The following HAGH variants were observed in gnomAD, a reference collection of about 807,000 sequenced individuals.
The protein encoded by HAGH is hydroxyacylglutathione hydrolase.
HAGH carries 29 observed loss-of-function variants against 35.1 expected under a neutral mutation model. The ratio of observed to expected loss-of-function variants is 0.83; its 90% CI spans 0.62 to 1.13. HAGH has a LOEUF of 1.13. Ranked by LOEUF, HAGH falls within the 50% of genes most tolerant of loss-of-function variation. The probability of loss-of-function intolerance (pLI) is 0.00; values close to 1 mark genes in which losing one functional copy is unlikely to be tolerated. For missense variants in HAGH, 478 were observed against 419.6 expected, an observed-to-expected ratio of 1.14 and a Z score of -1.22; for synonymous variants, 225 against 176.1, an observed-to-expected ratio of 1.28 and a Z score of -2.20.
chr16:1,813,102 T>C (rs1353039906), intron 7 of HAGH, among the ~76,000 whole-genome samples: 1 of 152,186 alleles, frequency 6.6e-6, no homozygotes, highest in Admixed American at 6.5e-5. Context: ...TCAAATCTGA[T>C]CCCCAATTAA....
chr16:1,824,806 C>A (rs1452011822), intron 1 of HAGH, among the ~76,000 whole-genome samples: 1 of 152,210 alleles, frequency 6.6e-6, no homozygotes, highest in Non-Finnish European at 1.5e-5. Context: ...CCAGATCATT[C>A]TCCTCAGGAA....
chr16:1,825,643 G>C (rs1381981857), intron 1 of HAGH, among the ~76,000 whole-genome samples: 1 of 152,200 alleles, frequency 6.6e-6, no homozygotes, highest in Non-Finnish European at 1.5e-5. Context: ...GTGCGATCAA[G>C]GGTCACTGCA....
rs1897510793 is a variant in HAGH at position 1,809,063 on chromosome 16, G to A, written c.*220C>T. ...GGAAGGAGGCCCGAGGGGACAAGCAGAGGCCTAAAGGCCAGAAGAAAACAG... is the reference window on the plus strand; with the variant it reads ...GGAAGGAGGCCCGAGGGGACAAGCAAAGGCCTAAAGGCCAGAAGAAAACAG... On this transcript the variant is annotated 3_prime_UTR_variant, in exon 9 of 9. Coordinates refer to ENST00000397356, the MANE Select transcript of HAGH (RefSeq NM_005326.6). The A allele has an allele frequency of 2.0e-6, 1 of 507,414 alleles. No individual in the cohort carries two copies. Among genetic ancestry groups the A allele is most frequent in the Non-Finnish European group, 3.5e-6 (1 of 284,634 alleles). The allele number at this position is 507,414 out of a possible 1,614,324, so 31.4% of individuals were successfully genotyped here. A position where few individuals can be genotyped will look rare whatever the true frequency, so the allele number is the denominator to read the frequency against.
rs1231393091 is a variant in HAGH, at chr16:1,819,995, C to T, written c.334G>A (p.Glu112Lys). 1 of 1,612,454 alleles carries T rather than the reference C, an allele frequency of 6.2e-7. No individual in the cohort carries two copies. The highest frequency in any genetic ancestry group is 1.1e-5 in the South Asian group (1 of 90,988). ...HHHWDHAGGN[E>K]KLVKLESGLK... ...CCCGACTCCAGCTTGACCAGTTTCTCATTCCCGCCAGCATGGTCCCTAGAA... is the reference window on the plus strand; with the variant it reads ...CCCGACTCCAGCTTGACCAGTTTCTTATTCCCGCCAGCATGGTCCCTAGAA... The change falls in exon 4 of 9, where the codon GAG becomes AAG. Residue 112 changes from glutamate (E) to lysine (K), a missense_variant. By Grantham distance (56) the Glu-to-Lys change is moderately conservative (BLOSUM62 1). Coordinates refer to ENST00000397356, the MANE Select transcript of HAGH (RefSeq NM_005326.6).
chr16:1,819,745 G>A lies in HAGH; in HGVS notation c.432+152C>T, dbSNP rs923919343. The stretch of plus-strand genomic sequence containing the variant: ...TTGCACACTCCTCTCCTTGTGCCTA[G>A]ACAGAGAAGACCATCCACGCTGCCA... On this transcript the variant is annotated intron_variant, in intron 4 of 8. Coordinates refer to ENST00000397356, the MANE Select transcript of HAGH (RefSeq NM_005326.6). 1.2e-5 allele frequency: 8 copies of A among 656,134 alleles called. No homozygotes were observed. The African/African-American group carries it at 1.5e-4, about 12-fold the overall frequency. The allele number at this position is 656,134 out of a possible 1,614,324, so 40.6% of individuals were successfully genotyped here.
At chr16:1,813,868 A>C (rs1321654889) in intron 7 of HAGH, among the ~76,000 whole-genome samples, 1 of 152,210 alleles carries the variant, frequency 6.6e-6, no homozygotes, top group Non-Finnish European at 1.5e-5. Flanking sequence ...GACCAACGAA[A>C]CAGAGCAGAG....
rs1231309586 is a variant in HAGH, at chr16:1,808,305, ATT to A, written c.*976_*977del. On this transcript the variant is annotated 3_prime_UTR_variant, in exon 9 of 9. Coordinates refer to ENST00000397356, the MANE Select transcript of HAGH (RefSeq NM_005326.6). The stretch of plus-strand genomic sequence containing the variant: ...TAAAAAGATTATTATTAAATTTCAT[ATT>A]TTTTTTTTTTTGAGACAGAGTCTTG... 5.6e-5 allele frequency: 8 copies of A among 143,912 alleles called. No homozygotes were observed. Among genetic ancestry groups the A allele is most frequent in the African/African-American group, 1.3e-4 (5 of 39,322 alleles). 8.9% of individuals were successfully genotyped at this position (143,912 alleles called of 1,614,324 possible).
chr16:1,811,467 C>T (rs1406679679), intron 7 of HAGH, among the ~76,000 whole-genome samples: 1 of 105,486 alleles, frequency 9.5e-6, no homozygotes, highest in Non-Finnish European at 2.0e-5. Context: ...AATCCCAGCA[C>T]TGGGGGAGGC....
chr16:1,821,952 G>GT (rs1167899761), intron 3 of HAGH: 1,191 of 105,160 alleles, frequency 0.011, 2 homozygotes, highest in East Asian at 0.024. Context: ...TTGTTTTTTT[G>GT]TTTTTTTTTT....
chr16:1,815,043 T>G (rs1225720239), intron 7 of HAGH, among the ~76,000 whole-genome samples: 1 of 151,982 alleles, frequency 6.6e-6, no homozygotes, highest in Non-Finnish European at 1.5e-5. Flanking sequence ...ACCCAATATT[T>G]AAAATGGACA....
intron 7 of HAGH, among the ~76,000 whole-genome samples, chr16:1,816,398 G>C (rs1008690383): frequency 6.6e-6 from 1 of 152,078 alleles, no homozygotes; most frequent in Non-Finnish European, 1.5e-5. Context: ...TCAGCAGAGG[G>C]AGCCCACGCC....
At chr16:1,817,124 G>C (rs749388526) in intron 6 of HAGH, 44 bp downstream of exon 6, 7 of 1,439,752 alleles carry the variant, frequency 4.9e-6, no homozygotes, top group South Asian at 1.1e-5. Context: ...CCCCGCCCTG[G>C]TTAAGGCCCC....
At chr16:1,824,911 G>A (rs1429019079) in intron 1 of HAGH, among the ~76,000 whole-genome samples, 1 of 152,152 alleles carries the variant, frequency 6.6e-6, no homozygotes, top group Non-Finnish European at 1.5e-5. Flanking sequence ...ACAACAAGCA[G>A]AGTGTGGGTG....
chr16:1,816,661 G>A (rs1010767903), intron 7 of HAGH, among the ~76,000 whole-genome samples: 8 of 152,220 alleles, frequency 5.3e-5, no homozygotes. Context: ...AACAGGCTGG[G>A]CGCTTTTTAC....
At chr16:1,813,850 G>C (rs898906850) in intron 7 of HAGH, among the ~76,000 whole-genome samples, 2 of 152,260 alleles carry the variant, frequency 1.3e-5, no homozygotes, top group Non-Finnish European at 2.9e-5. Flanking sequence ...ACCGTGGCAA[G>C]TCATAGAGAC....
intron 1 of HAGH, 97 bp from the exon 2 acceptor site, chr16:1,823,134 T>C: frequency 1.9e-6 from 2 of 1,065,654 alleles, no homozygotes; most frequent in Non-Finnish European, 2.9e-6. Flanking sequence ...TAGGTTCCTT[T>C]GAAAAGGAAT....
At chr16:1,817,059 G>C (rs1477559047) in intron 6 of HAGH, 65 bp from the exon 7 acceptor site, 3 of 1,357,826 alleles carry the variant, frequency 2.2e-6, no homozygotes, top group East Asian at 4.6e-5. Context: ...CTCAGGGACG[G>C]GACCTGGATG....
At chr16:1,821,325 C>G (rs994867247) in intron 3 of HAGH, among the ~76,000 whole-genome samples, 2 of 152,194 alleles carry the variant, frequency 1.3e-5, no homozygotes, top group African/African-American at 4.8e-5. Context: ...GCCACCAGCA[C>G]AGCGCTCCCA....
At chr16:1,825,305 A>G (rs759913908) in intron 1 of HAGH, among the ~76,000 whole-genome samples, 2 of 152,146 alleles carry the variant, frequency 1.3e-5, no homozygotes, top group Non-Finnish European at 2.9e-5. Flanking sequence ...AGAAAATGTC[A>G]TTTACAACTG....
Sources: allele counts gnomAD v4.1 joint callset (sites outside exome capture counted in the v4.1 genomes callset), GRCh38; gene constraint gnomAD v4.1.1; transcripts MANE v1.5; gene names NCBI Gene and HGNC (gene_info 2026-07-23, HGNC 2026-07-21).